Variants in CFAP58 observed in about 807,000 individuals in gnomAD.
CFAP58 encodes the protein cilia- and flagella-associated protein 58.
Under a neutral mutation model 119.5 loss-of-function variants are expected in CFAP58, and 88 were observed. The observed-to-expected ratio is 0.74, with a 90% CI of 0.62 to 0.88. The LOEUF is 0.88. CFAP58 is among the 40% of genes least tolerant of loss of function. The pLI is 0.00. For missense variants in CFAP58, 990 were observed against 1,021.2 expected, an observed-to-expected ratio of 0.97 and a Z score of 0.42; for synonymous variants, 365 against 366.3, an observed-to-expected ratio of 1.00 and a Z score of 0.04.
intron 1 of CFAP58, among the ~76,000 whole-genome samples, chr10:104,354,730 T>C (rs1243541169): frequency 6.6e-6 from 1 of 152,208 alleles, no homozygotes; most frequent in African/African-American, 2.4e-5. Context: ...TGATGCAAAG[T>C]GAAAACACAA....
At position 104,358,524 on chromosome 10, in the gene CFAP58, A is replaced by G; in HGVS notation, c.193A>G (p.Arg65Gly). 6.2e-7 allele frequency: 1 copy of G among 1,614,168 alleles called. No individual in the cohort carries two copies. Among genetic ancestry groups the G allele is most frequent in the Non-Finnish European group, 8.5e-7 (1 of 1,180,024 alleles). Residue 65 changes from arginine (R) to glycine (G), a missense_variant, in exon 2 of 18, where the codon AGA becomes GGA. By Grantham distance (125) the Arg-to-Gly change is moderately radical (BLOSUM62 -2). Coordinates refer to ENST00000369704, the MANE Select transcript of CFAP58 (RefSeq NM_001008723.2). ...TGAAAAGCGTCTGATGGCCAAATGC[A>G]GAGAGCTAAATGCAGAGATTGTAGT... is the stretch of plus-strand genomic sequence containing the variant. ...DNEKRLMAKC[R>G]ELNAEIVVNS...
intron 15 of CFAP58, among the ~76,000 whole-genome samples, chr10:104,424,514 A>G (rs1465416842): frequency 6.6e-6 from 1 of 152,212 alleles, no homozygotes; most frequent in Non-Finnish European, 1.5e-5. Flanking sequence ...TATCTATAGA[A>G]GTTTGTAAGA....
upstream of CFAP58, chr10:104,353,271 A>G (rs2014487048): frequency 6.6e-6 from 1 of 151,972 alleles, no homozygotes; most frequent in Non-Finnish European, 1.5e-5. Context: ...CTCATCACTA[A>G]TATTAGATTA....
intron 11 of CFAP58, among the ~76,000 whole-genome samples, chr10:104,394,188 A>C (rs2012107304): frequency 6.6e-6 from 1 of 152,186 alleles, no homozygotes; most frequent in Admixed American, 6.5e-5. Flanking sequence ...CTCTAACCAA[A>C]TATGTTTCAC....
Position 104,358,395 on chromosome 10 carries a change from G to A in CFAP58, c.64G>A (p.Asp22Asn), listed in dbSNP as rs1277379631. The change falls in exon 2 of 18, where the codon GAT becomes AAT. Residue 22 changes from aspartate (D) to asparagine (N), a missense_variant. Coordinates refer to ENST00000369704, the MANE Select transcript of CFAP58 (RefSeq NM_001008723.2). ...ATCTGCATTTGAAGAAATGGAAAGA[G>A]ATTTTCAGGGAGTTCTCCATGAACT... is the stretch of plus-strand genomic sequence containing the variant. ...EESAFEEMER[D>N]FQGVLHELSG... is the part of the protein sequence containing the mutation. 6.2e-7 allele frequency: 1 copy of A among 1,613,952 alleles called. No homozygotes were observed. Among genetic ancestry groups the A allele is most frequent in the African/African-American group, 1.3e-5 (1 of 75,016 alleles).
At chr10:104,429,591 C>G (rs2012809931) in intron 15 of CFAP58, among the ~76,000 whole-genome samples, 1 of 152,282 alleles carries the variant, frequency 6.6e-6, no homozygotes, top group Middle Eastern at 3.4e-3. Flanking sequence ...TTTGGAGAAG[C>G]CTCAATTCCT....
chr10:104,433,306 T>G (rs528363585), intron 15 of CFAP58, among the ~76,000 whole-genome samples: 1 of 152,322 alleles, frequency 6.6e-6, no homozygotes, highest in Admixed American at 6.5e-5. Context: ...CAGGCTGGTC[T>G]TGAATTCCTG....
At chr10:104,354,011 A>G in intron 1 of CFAP58, 105 bp downstream of exon 1, 1 of 1,404,712 alleles carries the variant, frequency 7.1e-7, no homozygotes, top group Non-Finnish European at 1.0e-6. Context: ...TCCCCCCATC[A>G]ACATCTTATT....
At chr10:104,443,041 T>G (rs1025541028) in intron 15 of CFAP58, among the ~76,000 whole-genome samples, 1 of 152,188 alleles carries the variant, frequency 6.6e-6, no homozygotes, top group African/African-American at 2.4e-5. Flanking sequence ...TTATTAAGCT[T>G]CCTCAATAGA....
chr10:104,367,952 T>A (rs1406156420), intron 5 of CFAP58, among the ~76,000 whole-genome samples: 1 of 152,244 alleles, frequency 6.6e-6, no homozygotes, highest in Admixed American at 6.5e-5. Flanking sequence ...GAAAATTGTC[T>A]CTGTGTTGGT....
intron 15 of CFAP58, among the ~76,000 whole-genome samples, chr10:104,419,748 G>T (rs980260692): frequency 1.3e-5 from 2 of 152,102 alleles, no homozygotes; most frequent in Non-Finnish European, 2.9e-5. Flanking sequence ...CTATCTCCTA[G>T]AGTTATTGGG....
intron 1 of CFAP58, 58 bp from the exon 2 acceptor site, chr10:104,358,283 T>C: frequency 6.6e-7 from 1 of 1,526,016 alleles, no homozygotes; most frequent in Non-Finnish European, 8.8e-7. Flanking sequence ...AGTAATTCCT[T>C]GATGGTAATG....
chr10:104,338,625 G>A, the CFAP58 span, among the ~76,000 whole-genome samples: 4 of 152,128 alleles, frequency 2.6e-5, no homozygotes, highest in Non-Finnish European at 5.9e-5. Flanking sequence ...TCCCCGGCAC[G>A]GCAGAACTGG....
chr10:104,351,347 T>C (rs938964999), upstream of CFAP58, among the ~76,000 whole-genome samples: 3 of 152,208 alleles, frequency 2.0e-5, no homozygotes, highest in Non-Finnish European at 4.4e-5. Context: ...ACAGTTCTCA[T>C]AAACTTGACA....
chr10:104,406,639 G>T (rs758244554), intron 14 of CFAP58, 50 bp from the exon 15 acceptor site: 1 of 1,460,420 alleles, frequency 6.8e-7, no homozygotes, highest in Non-Finnish European at 9.6e-7. Flanking sequence ...AGGCCTCAGT[G>T]CTTTGAAGCT....
chr10:104,412,600 A>C (rs958682890), intron 15 of CFAP58, among the ~76,000 whole-genome samples: 2 of 152,332 alleles, frequency 1.3e-5, no homozygotes, highest in East Asian at 3.9e-4. Flanking sequence ...TCACAATAGA[A>C]TATTTTGCAA....
At chr10:104,369,028 T>C (rs1417506107) in intron 6 of CFAP58, among the ~76,000 whole-genome samples, 6 of 152,222 alleles carry the variant, frequency 3.9e-5, no homozygotes, top group African/African-American at 1.4e-4. Context: ...GAGACAGATT[T>C]CCTATTCTTC....
At chr10:104,399,589 T>C in intron 12 of CFAP58, 89 bp downstream of exon 12, 1 of 1,364,664 alleles carries the variant, frequency 7.3e-7, no homozygotes, top group Non-Finnish European at 1.0e-6. Flanking sequence ...CTCTCTAAGC[T>C]CTTCCAACCA....
At chr10:104,381,604 C>A (rs2011804395) in intron 9 of CFAP58, among the ~76,000 whole-genome samples, 2 of 151,436 alleles carry the variant, frequency 1.3e-5, no homozygotes, top group Non-Finnish European at 2.9e-5. Flanking sequence ...TACCAATGCT[C>A]TTGCATGCTT....
Sources: gnomAD v4.1 joint callset for allele counts (sites outside exome capture counted in the v4.1 genomes callset) on GRCh38, gnomAD v4.1.1 for gene constraint, MANE v1.5 for transcripts, NCBI Gene and HGNC (gene_info 2026-07-23, HGNC 2026-07-21) for gene names.